CASP8: variants seen among roughly 807,000 people sequenced by gnomAD.
CASP8 encodes the protein caspase-8.
CASP8 carries 24 observed loss-of-function variants against 46.3 expected under a neutral mutation model. The ratio of observed to expected loss-of-function variants is 0.52; its 90% confidence interval spans 0.38 to 0.73. CASP8 has a LOEUF of 0.73. Ranked by LOEUF, CASP8 falls within the 30% of genes least tolerant of loss-of-function variation. The probability of loss-of-function intolerance (pLI) is 0.00; values close to 1 mark genes in which losing one functional copy is unlikely to be tolerated. For synonymous variants in CASP8, 188 were observed against 200.4 expected (o/e 0.94, Z 0.52); for missense variants, 460 against 559.0 (o/e 0.82, Z 1.79).
intron 2 of CASP8, among the ~76,000 whole-genome samples, chr2:201,251,946 C>T (rs1042301420): frequency 2.0e-5 from 3 of 151,860 alleles, no homozygotes; most frequent in Non-Finnish European, 2.9e-5. Flanking sequence ...GACTTTCTTC[C>T]AAAGTGTCCG....
At chr2:201,241,690 A>G (rs924534563) in intron 2 of CASP8, 1 of 152,238 alleles carries the variant, frequency 6.6e-6, no homozygotes, top group Non-Finnish European at 1.5e-5. Context: ...CACACTTCCA[A>G]ATTTATTTTA....
Position 201,272,582 on chromosome 2 carries a change from T to C in CASP8, c.412-56T>C. 1 of 1,593,586 alleles carries C rather than the reference T, an allele frequency of 6.3e-7. No individual in the cohort carries two copies. Among genetic ancestry groups the C allele is most frequent in the African/African-American group, 1.3e-5 (1 of 74,296 alleles). ...TTGGAAATTAAAAAAAAAAATCTAATCTAAAAACCAGTAGGGCTCAATCCA... is the reference window on the plus strand; with the variant it reads ...TTGGAAATTAAAAAAAAAAATCTAACCTAAAAACCAGTAGGGCTCAATCCA... On this transcript the variant is annotated intron_variant, in intron 3 of 8. Transcript: ENST00000673742. This position sits in a 1 kb window ranked among gnomAD's most constrained non-coding sequence, Gnocchi z 4.4.
chr2:201,286,173 G>A (rs1043617750), intron 8 of CASP8, among the ~76,000 whole-genome samples: 3 of 152,350 alleles, frequency 2.0e-5, no homozygotes, highest in Admixed American at 2.0e-4. Flanking sequence ...GTGGAGAAGA[G>A]TGAGAGACAC....
chr2:201,260,786 T>C (rs1027328089), intron 1 of CASP8, among the ~76,000 whole-genome samples, 173 bp downstream of exon 1: 1 of 152,152 alleles, frequency 6.6e-6, no homozygotes, highest in African/African-American at 2.4e-5. Flanking sequence ...GAGGTAGCAG[T>C]CCCTCTGAGA....
intron 2 of CASP8, among the ~76,000 whole-genome samples, chr2:201,244,715 C>A (rs1477041626): frequency 6.6e-6 from 1 of 152,032 alleles, no homozygotes; most frequent in Non-Finnish European, 1.5e-5. Flanking sequence ...TGCTCAGCAC[C>A]AAAGGGATAA....
At chr2:201,284,678 G>A (rs1378348484) in intron 7 of CASP8, 138 bp from the exon 8 acceptor site, 1 of 128,836 alleles carries the variant, frequency 7.8e-6, no homozygotes, top group Non-Finnish European at 1.7e-5. Flanking sequence ...CGGGGAGAGG[G>A]AGAGGGAGAG....
chr2:201,281,871 G>A, intron 7 of CASP8: 1 of 1,481,454 alleles, frequency 6.8e-7, no homozygotes, highest in Non-Finnish European at 9.0e-7. Context: ...ATAAATATTA[G>A]AAGCCTGCAG....
chr2:201,235,032 G>A (rs1394733666), intron 2 of CASP8, among the ~76,000 whole-genome samples: 1 of 152,092 alleles, frequency 6.6e-6, no homozygotes, highest in Non-Finnish European at 1.5e-5. Flanking sequence ...ATGTTACTTA[G>A]GTCAAGATTT....
chr2:201,281,222 G>A (rs1948981824), intron 7 of CASP8, among the ~76,000 whole-genome samples: 1 of 152,144 alleles, frequency 6.6e-6, no homozygotes, highest in Non-Finnish European at 1.5e-5. Flanking sequence ...GCTGAGGCAG[G>A]AGAATTGCTT....
chr2:201,286,415 G>T (rs533905633), intron 8 of CASP8, 44 bp from the exon 9 acceptor site: 3 of 1,601,398 alleles, frequency 1.9e-6, no homozygotes, highest in Non-Finnish European at 2.6e-6. Context: ...TTCATCAGTT[G>T]CTTTCCCCCA....
intron 1 of CASP8, among the ~76,000 whole-genome samples, chr2:201,260,997 A>G (rs1947347062): frequency 6.6e-6 from 1 of 152,208 alleles, no homozygotes; most frequent in South Asian, 2.1e-4. Context: ...TCCCACCAAC[A>G]CACATACCCA....
chr2:201,266,716 C>A lies in CASP8; in HGVS notation c.230C>A (p.Thr77Asn), dbSNP rs1327843153. 2 of 1,614,126 alleles carry A rather than the reference C, an allele frequency of 1.2e-6. No individual in the cohort carries two copies. The change falls in exon 2 of 9, where the codon ACC (threonine) becomes AAC (asparagine). Residue 77 changes from threonine (T) to asparagine (N), a missense_variant. By Grantham distance (65) the Thr-to-Asn change is moderately conservative. Coordinates refer to ENST00000673742, the MANE Select transcript of CASP8 (RefSeq NM_001372051.1). This position sits in a 1 kb window ranked among gnomAD's most constrained non-coding sequence, Gnocchi z 5.7. ...FRINRLDLLITYLNTRKEEME... is the reference protein window; with the variant it reads ...FRINRLDLLINYLNTRKEEME... The stretch of plus-strand genomic sequence containing the variant: ...ATTAATAGACTGGATTTGCTGATTA[C>A]CTACCTAAACACTAGAAAGGAGGAG...
At position 201,272,138 on chromosome 2, in the gene CASP8, G is replaced by A. The variant is rs1258057823; in HGVS notation, c.412-500G>A. On this transcript the variant is annotated intron_variant, in intron 3 of 8. Coordinates refer to ENST00000673742, the MANE Select transcript of CASP8 (RefSeq NM_001372051.1). The surrounding 1 kb of genome is among the most constrained non-coding windows in gnomAD (Gnocchi z 4.4). ...CTCTGTGTGGTATGTGTGTCTGTGT[G>A]TTGTGTAGTGTGTATTGTATTTATG... 2.6e-5 allele frequency among the ~76,000 whole-genome samples: 4 copies of A among 151,924 alleles called. No homozygotes were observed. The South Asian group carries it at 8.3e-4, about 32-fold the overall frequency.
Position 201,286,791 on chromosome 2 carries a change from A to C in CASP8, c.*197A>C, listed in dbSNP as rs887421320. 8.7e-5 allele frequency: 42 copies of C among 483,180 alleles called. No individual in the cohort carries two copies. The Admixed American group carries it at 1.4e-3, about 16-fold the overall frequency. The allele number at this position is 483,180 out of a possible 1,614,324, so 29.9% of individuals were successfully genotyped here. On this transcript the variant is annotated 3_prime_UTR_variant, in exon 9 of 9. Transcript: ENST00000673742. ...CCACCACACCTGGCTAATTTTTTAA[A>C]AATATTTTTAGTAGAGACAGGGTTT...
In CASP8 at chr2:201,272,730, C is replaced by T. The variant is rs766040377; in HGVS notation, c.504C>T (p.Asn168=). Residue 168 remains asparagine (N), a synonymous_variant, in exon 4 of 9, where the codon AAC becomes AAT. Transcript: ENST00000673742. This position sits in a 1 kb window ranked among gnomAD's most constrained non-coding sequence, Gnocchi z 4.4. ...DILKRVCAQI[N]KSLLKIINDY... ...TGAAAAGAGTCTGTGCCCAAATCAA[C>T]AAGAGCCTGCTGAAGATAATCAACG... is the stretch of plus-strand genomic sequence containing the variant. The T allele has an allele frequency of 1.2e-6, 2 of 1,614,138 alleles. No individual in the cohort carries two copies. The highest frequency in any genetic ancestry group is 1.7e-6 in the Non-Finnish European group (2 of 1,180,008).
rs71022356 is a variant in CASP8, at chr2:201,247,190, C to CAAA, written c.-27+13101_-27+13103dup. 1.5e-3 allele frequency among the ~76,000 whole-genome samples: 123 copies of CAAA among 80,980 alleles called. 2 individuals are homozygous for CAAA. Among genetic ancestry groups the CAAA allele is most frequent in the African/African-American group, 3.3e-3 (63 of 19,346 alleles). 53.1% of individuals were successfully genotyped at this position (80,980 alleles called of 152,430 possible). A position where few individuals can be genotyped will look rare whatever the true frequency, so the allele number is the denominator to read the frequency against. Reference sequence around the variant, plus strand: ...GGCGGCAGAGTGAGACTGTCTGTCTCAAAAAAAAAAAAAAAAAAAAAAAAA... The same window carrying CAAA: ...GGCGGCAGAGTGAGACTGTCTGTCTCAAAAAAAAAAAAAAAAAAAAAAAAAAAA... On this transcript the variant is annotated intron_variant, in intron 2 of 6. Coordinates refer to the CASP8 transcript ENST00000264274.
rs1218388996 is a variant in CASP8 at position 201,272,908 on chromosome 2, C to T, written c.561C>T (p.Ser187=). 5.0e-6 allele frequency: 8 copies of T among 1,614,060 alleles called. No homozygotes were observed. The highest frequency in any genetic ancestry group is 1.1e-5 in the South Asian group (1 of 91,084). Residue 187 remains serine, a synonymous_variant, in exon 5 of 9, where the codon AGC becomes AGT. Coordinates refer to ENST00000673742, the MANE Select transcript of CASP8 (RefSeq NM_001372051.1). The surrounding 1 kb of genome is among the most constrained non-coding windows in gnomAD (Gnocchi z 4.4). The part of the protein sequence containing the change: ...DYEEFSKERS[S]SLEGSPDEFS... ...CCCCTTTTAATTCAGAGAGAAGCAGCAGCCTTGAAGGAAGTCCTGATGAAT... is the reference window on the plus strand; with the variant it reads ...CCCCTTTTAATTCAGAGAGAAGCAGTAGCCTTGAAGGAAGTCCTGATGAAT...
At chr2:201,258,033 G>A (rs2125044019), upstream of CASP8, 1 of 614,264 alleles carries the variant, frequency 1.6e-6, no homozygotes, top group South Asian at 1.8e-5. Flanking sequence ...TCTTGTTCGA[G>A]TGAGTCATCT....
In CASP8 at chr2:201,280,601, A is replaced by T. The variant is rs142469302; in HGVS notation, c.802+3633A>T. 3.4e-4 allele frequency among the ~76,000 whole-genome samples: 52 copies of T among 152,364 alleles called. No individual in the cohort carries two copies. The East Asian group carries it at 7.5e-3, about 22-fold the overall frequency. ...AACTCTATAAACTAAAGACTCATAC[A>T]GGGGCTCAAAAAATGTACTTCTCAT... is the stretch of plus-strand genomic sequence containing the variant. On this transcript the variant is annotated intron_variant, in intron 7 of 8. Coordinates refer to ENST00000673742, the MANE Select transcript of CASP8 (RefSeq NM_001372051.1).
Sources: gnomAD v4.1 joint callset for allele counts (sites outside exome capture counted in the v4.1 genomes callset) on GRCh38, gnomAD v4.1.1 for gene constraint, Gnocchi (gnomAD v3.1) non-coding constraint, MANE v1.5 for transcripts, NCBI Gene and HGNC (gene_info 2026-07-23, HGNC 2026-07-21) for gene names.